Variants in OGA observed in about 807,000 individuals in gnomAD.
OGA encodes the protein O-GlcNAcase.
Under a neutral mutation model 102.0 loss-of-function variants are expected in OGA, and 21 were observed. That is an observed-to-expected ratio of 0.21 (90% CI 0.15 to 0.30). The LOEUF is 0.30. Ranked by LOEUF, OGA falls within the 10% of genes least tolerant of loss-of-function variation. OGA has a pLI of 1.00. For synonymous variants in OGA, 408 were observed against 378.2 expected (o/e 1.08, Z -0.91); for missense variants, 765 against 1,107.8 (o/e 0.69, Z 4.39).
chr10:101,790,597 T>A (rs559733157), intron 14 of OGA, among the ~76,000 whole-genome samples: 4 of 152,178 alleles, frequency 2.6e-5, no homozygotes, highest in African/African-American at 9.7e-5. Flanking sequence ...CATCTTTAAG[T>A]ATGAAACTTT....
chr10:101,817,901 T>C lies in OGA; in HGVS notation c.122A>G (p.Asn41Ser), dbSNP rs754417910. Residue 41 changes from asparagine (N) to serine (S), a missense_variant, in exon 1 of 16, where the codon AAC becomes AGC. Around this residue, in one of 7 missense-constraint regions of OGA, gnomAD observed 117 missense variants for 85.7 expected, o/e 1.36. Coordinates refer to ENST00000361464, the MANE Select transcript of OGA (RefSeq NM_012215.5). The part of the protein sequence containing the change: ...PPAAPAPGED[N>S]PAGAGGAAVA... Reference sequence around the variant, plus strand: ...CGCCGCTCCCCCAGCCCCGGCGGGGTTGTCTTCTCCGGGTGCCGGAGCTGC... The same window carrying C: ...CGCCGCTCCCCCAGCCCCGGCGGGGCTGTCTTCTCCGGGTGCCGGAGCTGC... 6.4e-7 allele frequency: 1 copy of C among 1,562,360 alleles called. No individual in the cohort carries two copies. Among genetic ancestry groups the C allele is most frequent in the East Asian group, 2.4e-5 (1 of 41,662 alleles).
At position 101,794,069 on chromosome 10, in the gene OGA, A is replaced by C. The variant is rs529478152; in HGVS notation, c.1985-71T>G. ...TTCCTGGGGTCTCAAATGTCCAACA[A>C]ACTGACAAACACTTCGTGGAAATAA... On this transcript the variant is annotated intron_variant, in intron 10 of 15. Transcript: ENST00000361464. The C allele has an allele frequency of 1.7e-4, 174 of 1,038,450 alleles. No individual in the cohort carries two copies. The South Asian group carries it at 2.2e-3, about 13-fold the overall frequency. 64.3% of individuals were successfully genotyped at this position (1,038,450 alleles called of 1,614,324 possible).
chr10:101,801,001 G>C (rs558398443), intron 7 of OGA, among the ~76,000 whole-genome samples: 2 of 151,734 alleles, frequency 1.3e-5, no homozygotes, highest in African/African-American at 4.8e-5. Context: ...TCTCGAACTC[G>C]ACCTTGTGAT....
chr10:101,803,744 C>T lies in OGA; in HGVS notation c.1027G>A (p.Val343Ile), dbSNP rs764550840. ...AGTACAGGCTACTTACTCATCACTA[C>T]ATCTTTTCTCACTCCATTCATGTTT... is the stretch of plus-strand genomic sequence containing the variant. ...KSNMNGVRKD[V>I]VMTDSEDSTV... The change falls in exon 7 of 16, where the codon GTA becomes ATA. Residue 343 changes from valine to isoleucine, a missense_variant. Coordinates refer to ENST00000361464, the MANE Select transcript of OGA (RefSeq NM_012215.5). 3 of 1,613,830 alleles carry T rather than the reference C, an allele frequency of 1.9e-6. No homozygotes were observed. The African/African-American group carries it at 4.0e-5, about 22-fold the overall frequency.
At chr10:101,789,690 C>T (rs1177668494) in intron 14 of OGA, among the ~76,000 whole-genome samples, 1 of 151,866 alleles carries the variant, frequency 6.6e-6, no homozygotes, top group Non-Finnish European at 1.5e-5. Flanking sequence ...AATGCATATA[C>T]TGGCCAGGCA....
Position 101,807,903 on chromosome 10 carries a change from T to G in OGA, c.481-2A>C. ...TGATCTGCACCCAAACTGAGAAACC[T>G]AGGAGAAAAAAAAAAAAAAGAATCA... On this transcript the variant is annotated splice_acceptor_variant, in intron 4 of 15. Coordinates refer to ENST00000361464, the MANE Select transcript of OGA (RefSeq NM_012215.5). LOFTEE classifies it high-confidence loss of function. 2 of 1,438,394 alleles carry G rather than the reference T, an allele frequency of 1.4e-6. No homozygotes were observed. Among genetic ancestry groups the G allele is most frequent in the Non-Finnish European group, 1.8e-6 (2 of 1,095,662 alleles). The allele number at this position is 1,438,394 out of a possible 1,614,324, so 89.1% of individuals were successfully genotyped here. A position where few individuals can be genotyped will look rare whatever the true frequency, so the allele number is the denominator to read the frequency against.
chr10:101,808,521 T>C (rs1360604707), intron 4 of OGA, among the ~76,000 whole-genome samples: 1 of 152,154 alleles, frequency 6.6e-6, no homozygotes, highest in Non-Finnish European at 1.5e-5. Flanking sequence ...CAGGTATGAA[T>C]CAGAAAGAAT....
intron 1 of OGA, among the ~76,000 whole-genome samples, chr10:101,816,318 C>T (rs1435313843): frequency 6.6e-6 from 1 of 152,106 alleles, no homozygotes; most frequent in African/African-American, 2.4e-5. Context: ...GGTGCTCAGT[C>T]ACTAAGAAAA....
chr10:101,805,331 T>C (rs965463134), intron 6 of OGA, among the ~76,000 whole-genome samples: 1 of 152,156 alleles, frequency 6.6e-6, no homozygotes, highest in African/African-American at 2.4e-5. Flanking sequence ...TAAGAGAATA[T>C]GTAAACTTTG....
intron 3 of OGA, 46 bp from the exon 4 acceptor site, chr10:101,810,360 A>G (rs746274579): frequency 5.2e-6 from 8 of 1,535,934 alleles, no homozygotes; most frequent in East Asian, 2.3e-5. Flanking sequence ...CAGAAAACTA[A>G]AAGAACCTTC....
chr10:101,810,450 T>A, intron 3 of OGA, 136 bp from the exon 4 acceptor site: 1 of 800,394 alleles, frequency 1.2e-6, no homozygotes, highest in Non-Finnish European at 1.9e-6. Context: ...AATTGTCATG[T>A]CCAACTTAAC....
intron 1 of OGA, among the ~76,000 whole-genome samples, chr10:101,814,335 A>C (rs1483151170): frequency 6.6e-6 from 1 of 150,918 alleles, no homozygotes; most frequent in Non-Finnish European, 1.5e-5. Flanking sequence ...CTCAAACAAC[A>C]ACAACAAAAG....
At chr10:101,800,195 C>T (rs772594041) in intron 8 of OGA, 47 bp downstream of exon 8, 19 of 1,573,604 alleles carry the variant, frequency 1.2e-5, no homozygotes, top group South Asian at 2.3e-5. Flanking sequence ...TACTTTGTGA[C>T]TCAACTATGT....
intron 9 of OGA, among the ~76,000 whole-genome samples, 187 bp downstream of exon 9, chr10:101,798,655 C>G (rs1024273186): frequency 5.9e-5 from 9 of 152,104 alleles, no homozygotes; most frequent in Admixed American, 4.6e-4. Flanking sequence ...CTCAGGTGAT[C>G]TGCCCGCCTC....
chr10:101,814,242 T>C (rs1589842358), intron 1 of OGA, among the ~76,000 whole-genome samples: 1 of 152,000 alleles, frequency 6.6e-6, no homozygotes, highest in East Asian at 1.9e-4. Context: ...GAAACAACAA[T>C]CACTTGAACC....
rs754715375 is a variant in OGA at position 101,817,851 on chromosome 10, G to A, written c.172C>T (p.Arg58Trp). The change falls in exon 1 of 16, where the codon CGG (arginine) becomes TGG (tryptophan). Residue 58 changes from arginine to tryptophan, a missense_variant. By Grantham distance (101) the Arg-to-Trp change is moderately radical. Coordinates refer to ENST00000361464, the MANE Select transcript of OGA (RefSeq NM_012215.5). Reference sequence around the variant, plus strand: ...TCCACCACACCGCAGAGGAACCGCCGAGCCCCTCCTGCAGCCCCGGCCACC... The same window carrying A: ...TCCACCACACCGCAGAGGAACCGCCAAGCCCCTCCTGCAGCCCCGGCCACC... ...AAVAGAAGGA[R>W]RFLCGVVEGF... is the part of the protein sequence containing the mutation. 6.5e-7 allele frequency: 1 copy of A among 1,542,218 alleles called. No individual in the cohort carries two copies. The highest frequency in any genetic ancestry group is 8.7e-7 in the Non-Finnish European group (1 of 1,147,504).
chr10:101,813,642 T>G (rs772205095), intron 1 of OGA, 36 bp from the exon 2 acceptor site: 1 of 1,336,812 alleles, frequency 7.5e-7, no homozygotes, highest in African/African-American at 1.5e-5. Context: ...ATATTCAGTT[T>G]TAAAATGTGG....
At chr10:101,813,684 C>T (rs1333923177) in intron 1 of OGA, 78 bp from the exon 2 acceptor site, 1 of 803,706 alleles carries the variant, frequency 1.2e-6, no homozygotes, top group African/African-American at 1.8e-5. Flanking sequence ...AGTTACAAAA[C>T]ATATAATACA....
chr10:101,800,100 T>G (rs553808645), intron 8 of OGA, 142 bp downstream of exon 8: 11 of 826,752 alleles, frequency 1.3e-5, no homozygotes, highest in Admixed American at 7.4e-5. Context: ...CTCGAACTCC[T>G]GACCTCAGGT....
Sources: gnomAD v4.1 joint callset for allele counts (sites outside exome capture counted in the v4.1 genomes callset) on GRCh38, gnomAD v4.1.1 for gene constraint, gnomAD v4.1.1 regional missense constraint, MANE v1.5 for transcripts, NCBI Gene and HGNC (gene_info 2026-07-23, HGNC 2026-07-21) for gene names.